The following EHBP1 variants were observed in gnomAD, a reference collection of about 807,000 sequenced individuals.
EHBP1 encodes EH domain binding protein 1.
In EHBP1, 55 loss-of-function variants were observed where a neutral mutation model predicts 144.0. That is an observed-to-expected ratio of 0.38 (90% CI 0.31 to 0.48). EHBP1 has a LOEUF of 0.48. Among genes scored for constraint, EHBP1 ranks in the 20% least tolerant of loss-of-function variants. The pLI, the probability that EHBP1 is intolerant of heterozygous loss-of-function variation, is 0.98. For synonymous variants in EHBP1, 469 were observed against 472.7 expected (o/e 0.99, Z 0.10); for missense variants, 1,200 against 1,364.2 (o/e 0.88, Z 1.90).
chr2:62,999,609 C>T (rs773717128), intron 19 of EHBP1, among the ~76,000 whole-genome samples: 1 of 152,190 alleles, frequency 6.6e-6, no homozygotes, highest in Non-Finnish European at 1.5e-5. Flanking sequence ...TGGCTTCTTT[C>T]ACTTAACATA....
intron 10 of EHBP1, among the ~76,000 whole-genome samples, chr2:62,915,174 C>A (rs2054512761): frequency 6.6e-6 from 1 of 151,794 alleles, no homozygotes; most frequent in Non-Finnish European, 1.5e-5. Flanking sequence ...AAAAGAATTT[C>A]TTTGTAAAGA....
intron 5 of EHBP1, among the ~76,000 whole-genome samples, chr2:62,775,833 A>G (rs2042018536): frequency 6.6e-6 from 1 of 152,176 alleles, no homozygotes; most frequent in South Asian, 2.1e-4. Context: ...TATATAGCTA[A>G]CAGGTTGGGA....
At chr2:62,889,372 TC>T in intron 10 of EHBP1, among the ~76,000 whole-genome samples, 1 of 152,154 alleles carries the variant, frequency 6.6e-6, no homozygotes, top group Non-Finnish European at 1.5e-5. Context: ...ATTGATAGTT[TC>T]TTTTGCTGTG....
intron 3 of EHBP1, among the ~76,000 whole-genome samples, chr2:62,754,980 GCTGCACCCACTGTC>G (rs1393798774): frequency 6.6e-6 from 1 of 152,152 alleles, no homozygotes; most frequent in Non-Finnish European, 1.5e-5. Flanking sequence ...TGCTCGATGG[GCTGCACCCACTGTC>G]CTGCACCCAC....
In EHBP1 at chr2:62,801,937, G is replaced by A. The variant is rs147290247; in HGVS notation, c.313-24150G>A. On this transcript the variant is annotated intron_variant, in intron 5 of 22. Transcript: ENST00000431489. The stretch of plus-strand genomic sequence containing the variant: ...GGACTCATCTTGAGAATGTTAAATC[G>A]AAAGTGAAATCTAGGACTCTGCCTT... 3.0e-4 allele frequency among the ~76,000 whole-genome samples: 45 copies of A among 152,298 alleles called. No homozygotes were observed. The East Asian group carries it at 8.3e-3, about 28-fold the overall frequency.
chr2:62,829,782 A>G (rs1292131370), intron 6 of EHBP1, among the ~76,000 whole-genome samples: 1 of 147,380 alleles, frequency 6.8e-6, no homozygotes, highest in Non-Finnish European at 1.5e-5. Flanking sequence ...TATTATATAT[A>G]TTATACATAT....
chr2:62,694,012 A>G lies in EHBP1; in HGVS notation c.-295-12885A>G, dbSNP rs1003984841. ...AAAAACCATTGCCAAACCCAAAGCTATGAAGATTTATTTGTTTTCTTCTAA... is the reference window on the plus strand; with the variant it reads ...AAAAACCATTGCCAAACCCAAAGCTGTGAAGATTTATTTGTTTTCTTCTAA... On this transcript the variant is annotated intron_variant, in intron 1 of 22. Coordinates refer to the EHBP1 transcript ENST00000405015. 2.5e-4 allele frequency among the ~76,000 whole-genome samples: 38 copies of G among 152,190 alleles called. 2 individuals carry two copies. Among genetic ancestry groups the G allele is most frequent in the Admixed American group, 2.5e-3 (38 of 15,282 alleles).
chr2:62,852,919 TCTGA>T (rs1179024657), intron 7 of EHBP1, among the ~76,000 whole-genome samples: 2 of 152,176 alleles, frequency 1.3e-5, no homozygotes, highest in Non-Finnish European at 2.9e-5. Context: ...ACTTTGTAAG[TCTGA>T]CTATTTAGCT....
At chr2:62,892,241 T>C (rs1478429243) in intron 10 of EHBP1, among the ~76,000 whole-genome samples, 1 of 152,182 alleles carries the variant, frequency 6.6e-6, no homozygotes, top group Non-Finnish European at 1.5e-5. Flanking sequence ...AATTGTTTAG[T>C]GTTTTTCTGT....
chr2:63,008,846 C>T (rs1338721822), intron 19 of EHBP1, among the ~76,000 whole-genome samples: 2 of 151,372 alleles, frequency 1.3e-5, no homozygotes, highest in Non-Finnish European at 3.0e-5. Context: ...ATTCTGTGAT[C>T]TAAGTGTTGA....
chr2:62,817,378 A>C (rs1336295735), intron 5 of EHBP1, among the ~76,000 whole-genome samples: 5 of 152,214 alleles, frequency 3.3e-5, no homozygotes, highest in Non-Finnish European at 5.9e-5. Context: ...CTAGTAATGG[A>C]AATAGCAAAT....
intron 19 of EHBP1, among the ~76,000 whole-genome samples, chr2:62,998,864 C>G (rs535442766): frequency 1.1e-3 from 161 of 152,238 alleles, no homozygotes; most frequent in Non-Finnish European, 1.9e-3. Flanking sequence ...AAGAATCATC[C>G]TAGACTGTTT....
intron 10 of EHBP1, among the ~76,000 whole-genome samples, chr2:62,937,052 G>T (rs949547219): frequency 1.3e-5 from 2 of 152,148 alleles, no homozygotes; most frequent in Non-Finnish European, 2.9e-5. Context: ...GAATGGACAG[G>T]TTTATTAACA....
At position 62,942,840 on chromosome 2, in the gene EHBP1, G is replaced by A. The variant is rs138897020; in HGVS notation, c.1308G>A (p.Ser436=). ...RGVKITNFTT[S]WRNGLSFCAI... ...TAAAAATCACCAATTTTACTACATC[G>A]TGGAGAAATGGTTTATCTTTTTGTG... Residue 436 remains serine, a synonymous_variant, in exon 11 of 23, where the codon TCG becomes TCA. Transcript: ENST00000431489. 0.029 allele frequency: 46,779 copies of A among 1,613,340 alleles called. 869 individuals are homozygous for A. The highest frequency in any genetic ancestry group is 0.062 in the Admixed American group (3,739 of 59,986).
chr2:62,916,640 G>A (rs1159773998), intron 10 of EHBP1, among the ~76,000 whole-genome samples: 3 of 150,724 alleles, frequency 2.0e-5, no homozygotes, highest in African/African-American at 7.3e-5. Context: ...GATAGGTAAG[G>A]ATGATATATT....
intron 10 of EHBP1, among the ~76,000 whole-genome samples, chr2:62,911,696 A>G (rs945660440): frequency 2.0e-5 from 3 of 152,180 alleles, no homozygotes; most frequent in East Asian, 1.9e-4. Context: ...TCCTGACTTC[A>G]GGTGATCTGC....
At chr2:62,764,407 G>T in intron 4 of EHBP1, 46 bp downstream of exon 4, 1 of 1,375,380 alleles carries the variant, frequency 7.3e-7, no homozygotes, top group Non-Finnish European at 9.8e-7. Flanking sequence ...TATAACCAGG[G>T]TACCAAATGA....
chr2:62,807,949 T>C (rs2152518376), intron 5 of EHBP1, among the ~76,000 whole-genome samples: 1 of 151,844 alleles, frequency 6.6e-6, no homozygotes, highest in Admixed American at 6.6e-5. Context: ...AACTGGACAA[T>C]GAAGCTCAAC....
At chr2:63,033,897 A>C (rs1002369053) in intron 19 of EHBP1, among the ~76,000 whole-genome samples, 3 of 152,126 alleles carry the variant, frequency 2.0e-5, no homozygotes, top group African/African-American at 4.8e-5. Flanking sequence ...ACTATGTGAT[A>C]GGAAGAATAA....
Sources: allele counts gnomAD v4.1 joint callset (sites outside exome capture counted in the v4.1 genomes callset), GRCh38; gene constraint gnomAD v4.1.1; transcripts MANE v1.5; gene names NCBI Gene and HGNC (gene_info 2026-07-23, HGNC 2026-07-21).